ZNF516: variants seen among roughly 807,000 people sequenced by gnomAD.
The protein encoded by ZNF516 is zinc finger protein 516.
A neutral mutation model predicts 79.7 loss-of-function variants in ZNF516; 19 were observed. The ratio of observed to expected loss-of-function variants is 0.24; its 90% confidence interval spans 0.17 to 0.35. ZNF516 has a LOEUF of 0.35. Among genes scored for constraint, ZNF516 ranks in the 10% least tolerant of loss-of-function variants. The pLI, the probability that ZNF516 is intolerant of heterozygous loss-of-function variation, is 1.00. For missense variants in ZNF516, 1,678 were observed against 1,679.5 expected (o/e 1.00, Z 0.02); for synonymous variants, 877 against 739.5 (o/e 1.19, Z -3.02).
intron 3 of ZNF516, among the ~76,000 whole-genome samples, chr18:76,438,551 G>A (rs1309158753): frequency 6.6e-6 from 1 of 151,832 alleles, no homozygotes; most frequent in Non-Finnish European, 1.5e-5. Context: ...CCATAATTTT[G>A]CACTTCTACT....
At chr18:76,450,361 T>G (rs1006912635) in intron 2 of ZNF516, among the ~76,000 whole-genome samples, 1 of 43,838 alleles carries the variant, frequency 2.3e-5, no homozygotes, top group Non-Finnish European at 5.1e-5. Flanking sequence ...CTCCCCACCC[T>G]CCCCAGGCCC....
rs910430019 is a variant in ZNF516, at chr18:76,480,494, T to TACACAC, written c.-272+14644_-272+14649dup. Among the ~76,000 whole-genome samples, 199 of 131,146 alleles carry TACACAC rather than the reference T, an allele frequency of 1.5e-3. 1 individual carries two copies. The highest frequency in any genetic ancestry group is 5.8e-3 in the African/African-American group (187 of 32,496). 86.0% of individuals were successfully genotyped at this position (131,146 alleles called of 152,430 possible). A position where few individuals can be genotyped will look rare whatever the true frequency, so the allele number is the denominator to read the frequency against. On this transcript the variant is annotated intron_variant, in intron 1 of 6. Coordinates refer to ENST00000443185, the MANE Select transcript of ZNF516 (RefSeq NM_014643.4). Reference sequence around the variant, plus strand: ...ATATATACACACACACATATACACATACACACACACACACACACACACACA... The same window carrying TACACAC: ...ATATATACACACACACATATACACATACACACACACACACACACACACACACACACA...
rs114597028 is a variant in ZNF516 at position 76,369,807 on chromosome 18, T to C, written c.3432+721A>G. Among the ~76,000 whole-genome samples, 151 of 152,306 alleles carry C rather than the reference T, an allele frequency of 9.9e-4. 1 individual carries two copies. Among genetic ancestry groups the C allele is most frequent in the African/African-American group, 3.4e-3 (142 of 41,554 alleles). ...AGCCAGAATGTTACTTAGAGAATGC[T>C]TGTGCAACACAGGTGTGACGTCCTC... On this transcript the variant is annotated intron_variant, in intron 6 of 6. Transcript: ENST00000443185.
At chr18:76,435,908 T>C (rs532954975) in intron 3 of ZNF516, among the ~76,000 whole-genome samples, 2 of 152,364 alleles carry the variant, frequency 1.3e-5, no homozygotes, top group African/African-American at 4.8e-5. Flanking sequence ...TGGCTCCTTT[T>C]GGTTAGGGAA....
At chr18:76,492,287 G>C in intron 1 of ZNF516, 8 of 985,444 alleles carry the variant, frequency 8.1e-6, no homozygotes, top group Non-Finnish European at 9.6e-6. Context: ...CGTACTACGC[G>C]AGCCACACAC....
intron 2 of ZNF516, among the ~76,000 whole-genome samples, chr18:76,445,683 T>G (rs912024646): frequency 1.3e-5 from 2 of 152,182 alleles, no homozygotes; most frequent in African/African-American, 4.8e-5. Flanking sequence ...ACCTCCAACG[T>G]TTGTCTATAA....
At chr18:76,424,518 A>AACAT (rs2075561962) in intron 3 of ZNF516, among the ~76,000 whole-genome samples, 1 of 142,926 alleles carries the variant, frequency 7.0e-6, no homozygotes, top group African/African-American at 2.6e-5. Context: ...TCCCCCATGA[A>AACAT]ACACATGCAG....
Position 76,360,645 on chromosome 18 carries a change from AAATAT to A in ZNF516, c.*1848_*1852del, listed in dbSNP as rs1313512511. The A allele has an allele frequency of 7.1e-5, 8 of 112,866 alleles. No individual in the cohort carries two copies. Among genetic ancestry groups the A allele is most frequent in the South Asian group, 3.2e-4 (1 of 3,088 alleles). The allele number at this position is 112,866 out of a possible 1,614,324, so 7.0% of individuals were successfully genotyped here. On this transcript the variant is annotated 3_prime_UTR_variant, in exon 7 of 7. Coordinates refer to ENST00000443185, the MANE Select transcript of ZNF516 (RefSeq NM_014643.4). ...GAAAAAAATAAGTAAAAAAAAAAAA[AAATAT>A]ATATATATATATATATATATATATA...
intron 1 of ZNF516, among the ~76,000 whole-genome samples, chr18:76,479,833 AC>A (rs1444380340): frequency 1.3e-5 from 2 of 152,188 alleles, no homozygotes; most frequent in Admixed American, 1.3e-4. Context: ...CACACCCAGG[AC>A]CCTGACACTT....
chr18:76,496,303 C>T (rs758715918), upstream of ZNF516: 161 of 1,289,502 alleles, frequency 1.2e-4, 2 homozygotes, highest in Non-Finnish European at 2.1e-5. Flanking sequence ...TGTTCTCCTT[C>T]TCCTCGTGAT....
intron 3 of ZNF516, among the ~76,000 whole-genome samples, chr18:76,408,665 G>A (rs2075332869): frequency 6.6e-6 from 1 of 152,194 alleles, no homozygotes. Context: ...GACAGAAAGA[G>A]GCGTAAAAAG....
At position 76,459,815 on chromosome 18, in the gene ZNF516, G is replaced by T. The variant is rs1051020124; in HGVS notation, c.-158+3213C>A. 1.3e-5 allele frequency among the ~76,000 whole-genome samples: 2 copies of T among 152,158 alleles called. No homozygotes were observed. The highest frequency in any genetic ancestry group is 2.9e-5 in the Non-Finnish European group (2 of 68,030). On this transcript the variant is annotated intron_variant, in intron 2 of 6. Transcript: ENST00000443185. This position sits in a 1 kb window ranked among gnomAD's most constrained non-coding sequence, Gnocchi z 5.0. The stretch of plus-strand genomic sequence containing the variant: ...CAGGCCCCCGGAGACGAGGTTAGAC[G>T]GTGGCAGGCAGGCTAAGAACAGGCG...
chr18:76,479,885 A>G (rs1914400751), intron 1 of ZNF516, among the ~76,000 whole-genome samples: 1 of 152,228 alleles, frequency 6.6e-6, no homozygotes, highest in Admixed American at 6.5e-5. Context: ...GGTTATTAAA[A>G]AAGAGCCCTT....
rs2074556524 is a variant in ZNF516, at chr18:76,362,687, C to T, written c.3433-130G>A. The stretch of plus-strand genomic sequence containing the variant: ...CAATGACCTTCACAAAGCAAGCCAA[C>T]CAAGTAGGCGAAGACCCCCTGACCT... On this transcript the variant is annotated intron_variant, in intron 6 of 6. Transcript: ENST00000443185. 4.6e-6 allele frequency: 4 copies of T among 876,512 alleles called. No individual in the cohort carries two copies. The South Asian group carries it at 7.0e-5, about 15-fold the overall frequency. 54.3% of individuals were successfully genotyped at this position (876,512 alleles called of 1,614,324 possible).
At chr18:76,490,695 C>T (rs1335506043) in intron 1 of ZNF516, 2 of 868,460 alleles carry the variant, frequency 2.3e-6, no homozygotes, top group Non-Finnish European at 2.8e-6. Flanking sequence ...AATCAAGATT[C>T]GAAACTGCAT....
At chr18:76,419,959 C>T (rs1011011103) in intron 3 of ZNF516, among the ~76,000 whole-genome samples, 3 of 152,232 alleles carry the variant, frequency 2.0e-5, no homozygotes, top group African/African-American at 4.8e-5. Flanking sequence ...GTGAGGCCCA[C>T]GCATGTGGAG....
chr18:76,437,382 G>A (rs1171929780), intron 3 of ZNF516, among the ~76,000 whole-genome samples: 2 of 152,134 alleles, frequency 1.3e-5, no homozygotes, highest in Non-Finnish European at 2.9e-5. Flanking sequence ...GACGGGAAAC[G>A]TGAGACACTC....
At chr18:76,439,748 C>CT (rs1310832298) in intron 3 of ZNF516, among the ~76,000 whole-genome samples, 3 of 151,918 alleles carry the variant, frequency 2.0e-5, no homozygotes, top group African/African-American at 7.3e-5. Flanking sequence ...GAATATTTCT[C>CT]TTAAAAGTGA....
At chr18:76,476,706 G>T (rs1431841547) in intron 1 of ZNF516, among the ~76,000 whole-genome samples, 3 of 152,220 alleles carry the variant, frequency 2.0e-5, no homozygotes, top group African/African-American at 7.2e-5. Flanking sequence ...ACCAGTCATG[G>T]TTTGTCTAAG....
Sources: allele counts gnomAD v4.1 joint callset (sites outside exome capture counted in the v4.1 genomes callset), GRCh38; gene constraint gnomAD v4.1.1; non-coding constraint Gnocchi (gnomAD v3.1); transcripts MANE v1.5; gene names NCBI Gene and HGNC (gene_info 2026-07-23, HGNC 2026-07-21).